The following STAG1 variants were observed in gnomAD, a reference collection of about 807,000 sequenced individuals.
The protein encoded by STAG1 is STAG1 cohesin complex component.
In STAG1, 26 loss-of-function variants were observed where a neutral mutation model predicts 170.9. The observed-to-expected ratio is 0.15, with a 90% CI of 0.11 to 0.21. STAG1 has a LOEUF of 0.21. Ranked by LOEUF, STAG1 falls within the 10% of genes least tolerant of loss-of-function variation. The pLI is 1.00. For synonymous variants in STAG1, 514 were observed against 497.7 expected, an observed-to-expected ratio of 1.03 and a Z score of -0.44; for missense variants, 964 against 1,509.5, an observed-to-expected ratio of 0.64 and a Z score of 5.99.
chr3:136,485,667 T>C (rs1346256657), intron 9 of STAG1, among the ~76,000 whole-genome samples: 4 of 152,344 alleles, frequency 2.6e-5, no homozygotes, highest in African/African-American at 9.6e-5. Flanking sequence ...ATACGTCTGA[T>C]ACATCTCCCT....
At chr3:136,554,645 A>G (rs925274575) in intron 5 of STAG1, among the ~76,000 whole-genome samples, 1 of 152,188 alleles carries the variant, frequency 6.6e-6, no homozygotes, top group African/African-American at 2.4e-5. Flanking sequence ...CTGTAATCCC[A>G]GCATATTGTG....
At chr3:136,413,605 T>A (rs773677454) in intron 21 of STAG1, among the ~76,000 whole-genome samples, 1 of 151,998 alleles carries the variant, frequency 6.6e-6, no homozygotes, top group African/African-American at 2.4e-5. Flanking sequence ...ATTACAGACA[T>A]GTGCCACCAT....
intron 4 of STAG1, among the ~76,000 whole-genome samples, chr3:136,599,572 T>G (rs1303267303): frequency 1.3e-5 from 2 of 152,088 alleles, no homozygotes; most frequent in African/African-American, 4.8e-5. Flanking sequence ...TTCATCTCTT[T>G]TCTTCCCTCT....
At chr3:136,398,484 A>G (rs1035521914) in intron 22 of STAG1, among the ~76,000 whole-genome samples, 3 of 152,224 alleles carry the variant, frequency 2.0e-5, no homozygotes, top group Middle Eastern at 6.8e-3. Flanking sequence ...GTGATTTTAT[A>G]TAAGAAGTTT....
chr3:136,339,230 C>T (rs1052502924), intron 32 of STAG1, among the ~76,000 whole-genome samples: 1 of 152,070 alleles, frequency 6.6e-6, no homozygotes, highest in Non-Finnish European at 1.5e-5. Context: ...TTCTAGCTTC[C>T]AGAAATGTGA....
intron 3 of STAG1, among the ~76,000 whole-genome samples, chr3:136,613,650 G>T (rs1330766829): frequency 6.6e-6 from 1 of 151,914 alleles, no homozygotes; most frequent in Non-Finnish European, 1.5e-5. Context: ...CCACACCCAG[G>T]TAATTTTTTT....
chr3:136,627,407 C>G (rs1940155281), intron 2 of STAG1, among the ~76,000 whole-genome samples: 1 of 152,040 alleles, frequency 6.6e-6, no homozygotes, highest in Non-Finnish European at 1.5e-5. Flanking sequence ...CTCTCTGTCT[C>G]TCTCTCTCAA....
chr3:136,714,048 A>C (rs1307335176), intron 1 of STAG1, among the ~76,000 whole-genome samples: 2 of 151,850 alleles, frequency 1.3e-5, no homozygotes, highest in Non-Finnish European at 1.5e-5. Context: ...AAGAACAAAA[A>C]ATTGAAAATT....
chr3:136,491,218 A>T (rs1370982117), intron 9 of STAG1, among the ~76,000 whole-genome samples: 1 of 152,094 alleles, frequency 6.6e-6, no homozygotes, highest in Non-Finnish European at 1.5e-5. Flanking sequence ...CCTGGGCTCA[A>T]GCAGTCTTAC....
intron 15 of STAG1, among the ~76,000 whole-genome samples, chr3:136,438,542 C>T (rs971122685): frequency 2.0e-5 from 3 of 152,092 alleles, no homozygotes; most frequent in African/African-American, 7.2e-5. Flanking sequence ...CATTTAGTTT[C>T]TTGGCTCACA....
At chr3:136,429,604 C>A (rs148735525) in intron 16 of STAG1, among the ~76,000 whole-genome samples, 1 of 152,094 alleles carries the variant, frequency 6.6e-6, no homozygotes, top group Non-Finnish European at 1.5e-5. Context: ...CCTTGTATTA[C>A]GTGGGCACTG....
At chr3:136,625,010 A>G (rs1330685131) in intron 2 of STAG1, among the ~76,000 whole-genome samples, 1 of 152,204 alleles carries the variant, frequency 6.6e-6, no homozygotes, top group African/African-American at 2.4e-5. Flanking sequence ...TAAAACAGAT[A>G]TGTTGTGTTT....
At chr3:136,378,273 C>T (rs1937720965) in intron 22 of STAG1, among the ~76,000 whole-genome samples, 1 of 152,228 alleles carries the variant, frequency 6.6e-6, no homozygotes, top group Non-Finnish European at 1.5e-5. Flanking sequence ...ATTGTATTAA[C>T]TCTTAACTGC....
chr3:136,623,324 C>G, intron 2 of STAG1, 76 bp from the exon 3 acceptor site: 3 of 1,316,866 alleles, frequency 2.3e-6, no homozygotes, highest in Non-Finnish European at 3.2e-6. Flanking sequence ...TTCCTTACCA[C>G]CTGCTATATG....
chr3:136,741,109 A>C (rs906762698), intron 1 of STAG1, among the ~76,000 whole-genome samples: 25 of 152,218 alleles, frequency 1.6e-4, no homozygotes, highest in Non-Finnish European at 3.5e-4. Context: ...TCCTGGAAGA[A>C]AGACATGTCC....
chr3:136,644,143 G>A (rs1244369141), intron 1 of STAG1, among the ~76,000 whole-genome samples: 2 of 152,004 alleles, frequency 1.3e-5, no homozygotes, highest in Non-Finnish European at 2.9e-5. Flanking sequence ...TGAAACTGTG[G>A]TAGTTATTAT....
intron 22 of STAG1, among the ~76,000 whole-genome samples, chr3:136,379,138 T>G (rs1226019111): frequency 6.6e-6 from 1 of 152,176 alleles, no homozygotes; most frequent in African/African-American, 2.4e-5. Context: ...TTTCTGCAGA[T>G]AAATATCTAA....
At chr3:136,517,360 A>G (rs1429777992) in intron 7 of STAG1, among the ~76,000 whole-genome samples, 1 of 152,206 alleles carries the variant, frequency 6.6e-6, no homozygotes, top group Non-Finnish European at 1.5e-5. Context: ...CAGCATTAAT[A>G]TATTTATAAC....
At chr3:136,712,378 A>T (rs1428836878) in intron 1 of STAG1, among the ~76,000 whole-genome samples, 1 of 152,122 alleles carries the variant, frequency 6.6e-6, no homozygotes, top group East Asian at 1.9e-4. Context: ...AAACTACAGA[A>T]TGGGAGAAGA....
Sources: gnomAD v4.1 joint callset for allele counts (sites outside exome capture counted in the v4.1 genomes callset) on GRCh38, gnomAD v4.1.1 for gene constraint, MANE v1.5 for transcripts, NCBI Gene and HGNC (gene_info 2026-07-23, HGNC 2026-07-21) for gene names.